Variants in TMEM169 observed in about 807,000 individuals in gnomAD.
TMEM169 encodes transmembrane protein 169.
Under a neutral mutation model 27.3 loss-of-function variants are expected in TMEM169, and 18 were observed. The observed-to-expected ratio is 0.66, with a 90% confidence interval of 0.46 to 0.98. The LOEUF (loss-of-function observed/expected upper bound fraction) is 0.98, where lower values mean the gene tolerates loss of function less well. Among genes scored for constraint, TMEM169 ranks in the 50% least tolerant of loss-of-function variants. The pLI, the probability that TMEM169 is intolerant of heterozygous loss-of-function variation, is 0.00. For synonymous variants in TMEM169, 136 were observed against 142.1 expected (o/e 0.96, Z 0.30); for missense variants, 320 against 368.6 (o/e 0.87, Z 1.08).
rs386392588 is a variant in TMEM169 at position 216,082,041 on chromosome 2, C to CAAA, written c.-127+73_-127+75dup. Reference sequence around the variant, plus strand: ...CATTGGGGAGGGTGGAAGGGAAATGCAAAAAAAAAAAAAGAAGAAGAAAGA... The same window carrying CAAA: ...CATTGGGGAGGGTGGAAGGGAAATGCAAAAAAAAAAAAAAAAGAAGAAGAAAGA... On this transcript the variant is annotated intron_variant, in intron 1 of 2. Coordinates refer to ENST00000437356, the MANE Select transcript of TMEM169 (RefSeq NM_001142311.2). 2,073 of 249,320 alleles carry CAAA rather than the reference C, an allele frequency of 8.3e-3. 15 individuals are homozygous for CAAA. The highest frequency in any genetic ancestry group is 0.03 in the Admixed American group (507 of 16,736). The allele number at this position is 249,320 out of a possible 1,614,324, so 15.4% of individuals were successfully genotyped here.
At chr2:216,083,657 G>A (rs112490654) in intron 1 of TMEM169, among the ~76,000 whole-genome samples, 2 of 152,198 alleles carry the variant, frequency 1.3e-5, no homozygotes, top group African/African-American at 2.4e-5. Flanking sequence ...CCTGCAAACC[G>A]GTTATGCCTA....
In TMEM169 at chr2:216,083,362, G is replaced by GT. The variant is rs200126748; in HGVS notation, c.-127+1392dup. Among the ~76,000 whole-genome samples the GT allele has an allele frequency of 3.9e-3, 582 of 151,146 alleles. 5 individuals carry two copies. Among genetic ancestry groups the GT allele is most frequent in the African/African-American group, 0.013 (529 of 41,230 alleles). ...CTTGGTTTGATCCCAATGACAAGGT[G>GT]TTTTTTTTTAAGGAAAAGAAATATT... is the stretch of plus-strand genomic sequence containing the variant. On this transcript the variant is annotated intron_variant, in intron 1 of 2. Transcript: ENST00000437356.
In TMEM169 at chr2:216,096,159, C is replaced by T. The variant is rs774332295; in HGVS notation, c.196C>T (p.Pro66Ser). The T allele has an allele frequency of 1.2e-6, 2 of 1,614,058 alleles. No individual in the cohort carries two copies. The highest frequency in any genetic ancestry group is 3.3e-5 in the Admixed American group (2 of 60,004). ...RSDNEKTDEE[P>S]GESEGGDQPK... ...AGACAATGAGAAAACAGATGAGGAG[C>T]CCGGAGAATCAGAAGGTGGAGATCA... Residue 66 changes from proline (P) to serine (S), a missense_variant, in exon 2 of 3, where the codon CCC (proline) becomes TCC (serine). Coordinates refer to ENST00000437356, the MANE Select transcript of TMEM169 (RefSeq NM_001142311.2).
Position 216,100,079 on chromosome 2 carries a change from C to T in TMEM169, c.431C>T (p.Pro144Leu). 6.2e-7 allele frequency: 1 copy of T among 1,614,202 alleles called. No individual in the cohort carries two copies. The highest frequency in any genetic ancestry group is 8.5e-7 in the Non-Finnish European group (1 of 1,180,028). The stretch of plus-strand genomic sequence containing the variant: ...AAAGAGTCATCAAGGGAAACGACGC[C>T]TGAAGGAAGAATGGCCTGCCAGATG... ...KPKESSRETT[P>L]EGRMACQMGA... Residue 144 changes from proline to leucine, a missense_variant, in exon 3 of 3, where the codon CCT becomes CTT. Transcript: ENST00000437356.
intron 1 of TMEM169, among the ~76,000 whole-genome samples, chr2:216,089,959 G>A (rs1355642048): frequency 2.6e-5 from 4 of 152,154 alleles, no homozygotes; most frequent in African/African-American, 9.7e-5. Context: ...TGACACATAA[G>A]GCTCAATAAA....
chr2:216,096,175 G>A lies in TMEM169; in HGVS notation c.212G>A (p.Gly71Asp). The A allele has an allele frequency of 1.2e-6, 2 of 1,614,182 alleles. No homozygotes were observed. Among genetic ancestry groups the A allele is most frequent in the South Asian group, 1.1e-5 (1 of 91,080 alleles). Residue 71 changes from glycine (G) to aspartate (D), a missense_variant, in exon 2 of 3, where the codon GGT becomes GAT. Transcript: ENST00000437356. ...KTDEEPGESEGGDQPKEEEGD... is the reference protein window; with the variant it reads ...KTDEEPGESEDGDQPKEEEGD... ...GATGAGGAGCCCGGAGAATCAGAAG[G>A]TGGAGATCAGCCTAAAGAGGAGGAG...
chr2:216,093,734 T>C (rs1174993898), intron 1 of TMEM169, among the ~76,000 whole-genome samples: 2 of 152,114 alleles, frequency 1.3e-5, no homozygotes, highest in Non-Finnish European at 2.9e-5. Context: ...CTCCCCTGCC[T>C]GGAGGGGGAG....
At chr2:216,097,523 C>T (rs1028061614) in intron 2 of TMEM169, among the ~76,000 whole-genome samples, 1 of 152,004 alleles carries the variant, frequency 6.6e-6, no homozygotes, top group Non-Finnish European at 1.5e-5. Flanking sequence ...TGCAGCAAGT[C>T]GAAATCCTGC....
In TMEM169 at chr2:216,100,753, T is replaced by C. The variant is rs1696378946; in HGVS notation, c.*211T>C. On this transcript the variant is annotated 3_prime_UTR_variant, in exon 3 of 3. Transcript: ENST00000437356. ...AAAGCAGTTCACCCAATGGACAAAC[T>C]CTTTTTGATTCCCTGCCCTAAAATC... 2 of 624,180 alleles carry C rather than the reference T, an allele frequency of 3.2e-6. No homozygotes were observed. Among genetic ancestry groups the C allele is most frequent in the Non-Finnish European group, 2.8e-6 (1 of 362,848 alleles). 38.7% of individuals were successfully genotyped at this position (624,180 alleles called of 1,614,324 possible).
At chr2:216,087,404 C>T (rs946655794) in intron 1 of TMEM169, among the ~76,000 whole-genome samples, 6 of 152,070 alleles carry the variant, frequency 3.9e-5, no homozygotes, top group African/African-American at 1.4e-4. Context: ...TGTATTCTGG[C>T]ATATGGTGGT....
At chr2:216,094,927 A>G (rs1183866459) in intron 1 of TMEM169, among the ~76,000 whole-genome samples, 1 of 152,160 alleles carries the variant, frequency 6.6e-6, no homozygotes, top group Non-Finnish European at 1.5e-5. Context: ...TTGTGGGCTG[A>G]CAAGAAGCCA....
At chr2:216,095,501 G>C (rs1696243416) in intron 1 of TMEM169, among the ~76,000 whole-genome samples, 1 of 152,060 alleles carries the variant, frequency 6.6e-6, no homozygotes, top group Non-Finnish European at 1.5e-5. Flanking sequence ...AACACAAGCA[G>C]ACTATGCTAA....
intron 1 of TMEM169, among the ~76,000 whole-genome samples, chr2:216,092,523 T>C (rs886392892): frequency 6.6e-6 from 1 of 152,148 alleles, no homozygotes; most frequent in African/African-American, 2.4e-5. Flanking sequence ...CTGCCACATC[T>C]TCCTAGAGCA....
At chr2:216,088,615 TG>T (rs1696061389) in intron 1 of TMEM169, among the ~76,000 whole-genome samples, 3 of 152,334 alleles carry the variant, frequency 2.0e-5, no homozygotes, top group Non-Finnish European at 4.4e-5. Flanking sequence ...GTGAGAGGAT[TG>T]CTTGAGCCTA....
At chr2:216,084,250 T>G (rs1217521970) in intron 1 of TMEM169, among the ~76,000 whole-genome samples, 2 of 151,628 alleles carry the variant, frequency 1.3e-5, no homozygotes, top group African/African-American at 4.8e-5. Context: ...CAGGGGCTTG[T>G]GGGATTCTCG....
Position 216,101,103 on chromosome 2 carries a change from G to C in TMEM169, c.*561G>C. 6.0e-6 allele frequency: 1 copy of C among 167,576 alleles called. No individual in the cohort carries two copies. The highest frequency in any genetic ancestry group is 1.3e-5 in the Non-Finnish European group (1 of 76,328). The allele number at this position is 167,576 out of a possible 1,614,324, so 10.4% of individuals were successfully genotyped here. A position where few individuals can be genotyped will look rare whatever the true frequency, so the allele number is the denominator to read the frequency against. On this transcript the variant is annotated 3_prime_UTR_variant, in exon 3 of 3. Transcript: ENST00000437356. Reference sequence around the variant, plus strand: ...CTTGTGCAGAAGAAGTCTGGAGGCAGACCATCCTGGGACCCTGTGAAGTAA... The same window carrying C: ...CTTGTGCAGAAGAAGTCTGGAGGCACACCATCCTGGGACCCTGTGAAGTAA...
At chr2:216,094,968 G>A (rs1381130061) in intron 1 of TMEM169, among the ~76,000 whole-genome samples, 4 of 152,122 alleles carry the variant, frequency 2.6e-5, no homozygotes, top group Admixed American at 2.0e-4. Flanking sequence ...GAATAGCAAG[G>A]TAGACACAGT....
At chr2:216,088,770 G>T (rs1696064682) in intron 1 of TMEM169, among the ~76,000 whole-genome samples, 1 of 152,172 alleles carries the variant, frequency 6.6e-6, no homozygotes, top group Non-Finnish European at 1.5e-5. Flanking sequence ...TACACAATCG[G>T]TAAATTCCAT....
chr2:216,091,235 C>T (rs749286777), intron 1 of TMEM169, among the ~76,000 whole-genome samples: 16 of 152,188 alleles, frequency 1.1e-4, no homozygotes, highest in Non-Finnish European at 1.3e-4. Flanking sequence ...TATGTCATGA[C>T]GGTGGAGTCC....
Sources: allele counts gnomAD v4.1 joint callset (sites outside exome capture counted in the v4.1 genomes callset), GRCh38; gene constraint gnomAD v4.1.1; transcripts MANE v1.5; gene names NCBI Gene and HGNC (gene_info 2026-07-23, HGNC 2026-07-21).